DLG2: variants seen among roughly 807,000 people sequenced by gnomAD.
The protein encoded by DLG2 is discs large MAGUK scaffold protein 2.
A neutral mutation model predicts 132.5 loss-of-function variants in DLG2; 45 were observed. The ratio of observed to expected loss-of-function variants is 0.34; its 90% CI spans 0.27 to 0.44. DLG2 has a LOEUF of 0.44. Among genes scored for constraint, DLG2 ranks in the 20% least tolerant of loss-of-function variants. The pLI is 1.00. For missense variants in DLG2, 1,045 were observed against 1,196.9 expected, an observed-to-expected ratio of 0.87 and a Z score of 1.87; for synonymous variants, 424 against 419.6, an observed-to-expected ratio of 1.01 and a Z score of -0.13.
At chr11:83,938,344 T>A (rs569199450) in intron 14 of DLG2, among the ~76,000 whole-genome samples, 8 of 150,622 alleles carry the variant, frequency 5.3e-5, no homozygotes, top group Admixed American at 4.6e-4. Flanking sequence ...TAGTGCAGGT[T>A]TGAAAGAGGG....
intron 19 of DLG2, among the ~76,000 whole-genome samples, chr11:83,542,145 T>TAA (rs1235114920): frequency 6.6e-6 from 1 of 152,142 alleles, no homozygotes; most frequent in African/African-American, 2.4e-5. Context: ...TAATAGAAGA[T>TAA]AAGAAAGGTA....
intron 18 of DLG2, among the ~76,000 whole-genome samples, chr11:83,770,321 A>G (rs757252333): frequency 1.2e-4 from 17 of 147,256 alleles, no homozygotes; most frequent in Non-Finnish European, 2.2e-4. Flanking sequence ...CCTCCTTTGT[A>G]AACCAGTTAA....
rs190230354 is a variant in DLG2 at position 83,528,036 on chromosome 11, T to G, written c.2193+4672A>C. Among the ~76,000 whole-genome samples, 146 of 152,228 alleles carry G rather than the reference T, an allele frequency of 9.6e-4. 1 individual carries two copies. Among genetic ancestry groups the G allele is most frequent in the African/African-American group, 2.9e-3 (121 of 41,552 alleles). On this transcript the variant is annotated intron_variant, in intron 21 of 27. Transcript: ENST00000376104. ...GTTTGACTAGAGACTCATTAGAAAT[T>G]TAATAGACATTCCCAGGGGAGCTTG...
chr11:83,828,136 G>A (rs2053425826), intron 17 of DLG2, among the ~76,000 whole-genome samples: 1 of 152,136 alleles, frequency 6.6e-6, no homozygotes, highest in Admixed American at 6.6e-5. Context: ...TTTTGACAAT[G>A]CATGAACACT....
chr11:84,154,386 C>G (rs756422797), intron 9 of DLG2, among the ~76,000 whole-genome samples: 2 of 152,172 alleles, frequency 1.3e-5, no homozygotes, highest in Non-Finnish European at 2.9e-5. Context: ...AAATCATCTC[C>G]TTTAGCCTCA....
At chr11:84,645,058 G>C (rs1298338359) in intron 6 of DLG2, among the ~76,000 whole-genome samples, 1 of 152,170 alleles carries the variant, frequency 6.6e-6, no homozygotes, top group Non-Finnish European at 1.5e-5. Context: ...TTACCGAAGA[G>C]TTTCAAAACC....
At chr11:84,069,564 T>C (rs1298844438) in intron 10 of DLG2, among the ~76,000 whole-genome samples, 1 of 152,220 alleles carries the variant, frequency 6.6e-6, no homozygotes, top group African/African-American at 2.4e-5. Context: ...GCTTCTGCTC[T>C]CGTCTCTAAC....
chr11:84,098,778 T>C, intron 10 of DLG2, 145 bp downstream of exon 10: 2 of 935,864 alleles, frequency 2.1e-6, no homozygotes, highest in Non-Finnish European at 3.2e-6. Context: ...GCAAAAGATC[T>C]GCAAAGTCAT....
chr11:85,442,597 C>T (rs1053867557), intron 3 of DLG2, among the ~76,000 whole-genome samples: 3 of 152,016 alleles, frequency 2.0e-5, no homozygotes, highest in Non-Finnish European at 2.9e-5. Context: ...TACAATGGCT[C>T]GTGCCTGTAA....
rs2074651076 is a variant in DLG2 at position 83,906,067 on chromosome 11, C to G, written c.1496+24261G>C. Among the ~76,000 whole-genome samples the G allele has an allele frequency of 1.2e-4, 13 of 104,480 alleles. 1 individual carries two copies. The South Asian group carries it at 4.8e-3, about 39-fold the overall frequency. 68.5% of individuals were successfully genotyped at this position (104,480 alleles called of 152,430 possible). A position where few individuals can be genotyped will look rare whatever the true frequency, so the allele number is the denominator to read the frequency against. On this transcript the variant is annotated intron_variant, in intron 15 of 27. Coordinates refer to ENST00000376104, the MANE Select transcript of DLG2 (RefSeq NM_001142699.3). Reference sequence around the variant, plus strand: ...TCTGTCTGTCTGTCTCTCTCTCTCTCTCTCTCTCTCTCTCTATATATATAT... The same window carrying G: ...TCTGTCTGTCTGTCTCTCTCTCTCTGTCTCTCTCTCTCTCTATATATATAT...
At chr11:84,072,853 A>C (rs1418947642) in intron 10 of DLG2, among the ~76,000 whole-genome samples, 1 of 152,218 alleles carries the variant, frequency 6.6e-6, no homozygotes, top group Non-Finnish European at 1.5e-5. Flanking sequence ...TATAACCCTG[A>C]TAAAAGATAT....
At chr11:85,097,242 T>A (rs1033640656) in intron 6 of DLG2, among the ~76,000 whole-genome samples, 8 of 152,176 alleles carry the variant, frequency 5.3e-5, no homozygotes, top group Non-Finnish European at 1.0e-4. Flanking sequence ...CTCAAGACTC[T>A]ATTCCCTTCT....
At chr11:84,955,544 G>T (rs1464223461) in intron 6 of DLG2, 1 of 152,118 alleles carries the variant, frequency 6.6e-6, no homozygotes, top group Non-Finnish European at 1.5e-5. Flanking sequence ...TCTCAAAGTT[G>T]TTCAGGGAAT....
At chr11:83,488,749 A>G (rs2093671774) in intron 21 of DLG2, among the ~76,000 whole-genome samples, 1 of 151,998 alleles carries the variant, frequency 6.6e-6, no homozygotes, top group Admixed American at 6.6e-5. Flanking sequence ...ATTGTTTTAT[A>G]CATGCTATTT....
intron 6 of DLG2, among the ~76,000 whole-genome samples, chr11:84,662,982 T>A (rs2099696174): frequency 6.6e-6 from 1 of 151,894 alleles, no homozygotes; most frequent in East Asian, 1.9e-4. Context: ...CCCTACCAGG[T>A]TACAGGGTAA....
intron 7 of DLG2, among the ~76,000 whole-genome samples, chr11:84,420,488 C>T (rs1185110121): frequency 6.6e-6 from 1 of 152,012 alleles, no homozygotes; most frequent in Non-Finnish European, 1.5e-5. Context: ...CCCCCAACAC[C>T]CACCAGCATC....
chr11:84,121,736 T>C (rs1025577900), intron 9 of DLG2, among the ~76,000 whole-genome samples: 24 of 151,578 alleles, frequency 1.6e-4, no homozygotes, highest in Middle Eastern at 3.4e-3. Context: ...TAATTTTTTG[T>C]ATTTTTAGTA....
At chr11:84,421,974 T>C (rs2098952454) in intron 7 of DLG2, among the ~76,000 whole-genome samples, 1 of 152,214 alleles carries the variant, frequency 6.6e-6, no homozygotes, top group African/African-American at 2.4e-5. Flanking sequence ...CTGTTGTGCC[T>C]ACAAATTGTG....
intron 19 of DLG2, among the ~76,000 whole-genome samples, chr11:83,606,820 A>G (rs1169183732): frequency 6.6e-6 from 1 of 152,028 alleles, no homozygotes; most frequent in African/African-American, 2.4e-5. Context: ...CCAGCTGCTC[A>G]GGAGGCTGAG....
Sources: allele counts gnomAD v4.1 joint callset (sites outside exome capture counted in the v4.1 genomes callset), GRCh38; gene constraint gnomAD v4.1.1; transcripts MANE v1.5; gene names NCBI Gene and HGNC (gene_info 2026-07-23, HGNC 2026-07-21).